CAPN7: variants seen among roughly 807,000 people sequenced by gnomAD.
CAPN7 encodes the protein calpain-7.
In CAPN7, 72 loss-of-function variants were observed where a neutral mutation model predicts 115.2. The observed-to-expected ratio is 0.63, with a 90% CI of 0.52 to 0.76. CAPN7 has a LOEUF of 0.76. Among genes scored for constraint, CAPN7 ranks in the 30% least tolerant of loss-of-function variants. The probability of loss-of-function intolerance (pLI) is 0.00; values close to 1 mark genes in which losing one functional copy is unlikely to be tolerated. For synonymous variants in CAPN7, 344 were observed against 322.3 expected (o/e 1.07, Z -0.72); for missense variants, 905 against 971.5 (o/e 0.93, Z 0.91).
chr3:15,206,465 C>T lies in CAPN7; in HGVS notation c.-31C>T, dbSNP rs1391752841. On this transcript the variant is annotated 5_prime_UTR_variant, in exon 1 of 21. Transcript: ENST00000253693. ...AAGAGCCGTCCTGCGTCAGGGCCTC[C>T]TTCCCTGCCCCGGCGCGGGGCCACT... is the stretch of plus-strand genomic sequence containing the variant. The T allele has an allele frequency of 1.3e-6, 2 of 1,512,566 alleles. No homozygotes were observed. Among genetic ancestry groups the T allele is most frequent in the East Asian group, 5.1e-5 (2 of 39,148 alleles). The allele number at this position is 1,512,566 out of a possible 1,614,324, so 93.7% of individuals were successfully genotyped here.
Position 15,206,451 on chromosome 3 carries a change from T to G in CAPN7, c.-45T>G. ...CGCCGCAGTCCGCGAAGAGCCGTCCTGCGTCAGGGCCTCCTTCCCTGCCCC... is the reference window on the plus strand; with the variant it reads ...CGCCGCAGTCCGCGAAGAGCCGTCCGGCGTCAGGGCCTCCTTCCCTGCCCC... On this transcript the variant is annotated 5_prime_UTR_variant, in exon 1 of 21. Coordinates refer to ENST00000253693, the MANE Select transcript of CAPN7 (RefSeq NM_014296.3). 7.0e-7 allele frequency: 1 copy of G among 1,431,018 alleles called. No individual in the cohort carries two copies. The highest frequency in any genetic ancestry group is 2.3e-4 in the Middle Eastern group (1 of 4,284). 88.6% of individuals were successfully genotyped at this position (1,431,018 alleles called of 1,614,324 possible). A position where few individuals can be genotyped will look rare whatever the true frequency, so the allele number is the denominator to read the frequency against.
chr3:15,246,651 T>C lies in CAPN7; in HGVS notation c.2011-81T>C, dbSNP rs368728531. The C allele has an allele frequency of 4.9e-6, 5 of 1,011,254 alleles. No individual in the cohort carries two copies. In the African/African-American group the frequency reaches 6.4e-5, roughly 13 times the overall value. 62.6% of individuals were successfully genotyped at this position (1,011,254 alleles called of 1,614,324 possible). On this transcript the variant is annotated intron_variant, in intron 17 of 20. Coordinates refer to ENST00000253693, the MANE Select transcript of CAPN7 (RefSeq NM_014296.3). Reference sequence around the variant, plus strand: ...ACTTGTGTATGCCAACTGATTTTTTTAGTCTTCCAATATATTCATGTATCA... The same window carrying C: ...ACTTGTGTATGCCAACTGATTTTTTCAGTCTTCCAATATATTCATGTATCA...
intron 2 of CAPN7, among the ~76,000 whole-genome samples, chr3:15,215,605 G>A (rs533649988): frequency 6.6e-6 from 1 of 152,326 alleles, no homozygotes; most frequent in Non-Finnish European, 1.5e-5. Context: ...CTTTTGCCAT[G>A]TGGCTTCTTT....
intron 4 of CAPN7, among the ~76,000 whole-genome samples, chr3:15,220,107 A>G (rs913857871): frequency 3.3e-5 from 5 of 152,188 alleles, no homozygotes; most frequent in Admixed American, 1.3e-4. Flanking sequence ...AGGCTGAGGC[A>G]GGAGAATCGC....
At chr3:15,228,360 AGTATGGTG>A (rs1694452864) in intron 7 of CAPN7, among the ~76,000 whole-genome samples, 1 of 152,258 alleles carries the variant, frequency 6.6e-6, no homozygotes, top group African/African-American at 2.4e-5. Context: ...GTGAGTCAGC[AGTATGGTG>A]TTTCTATTTG....
intron 2 of CAPN7, among the ~76,000 whole-genome samples, chr3:15,214,580 A>G (rs997014052): frequency 7.9e-5 from 12 of 152,104 alleles, no homozygotes; most frequent in Admixed American, 2.6e-4. Context: ...TTTGCTGGGC[A>G]TGGTGGTGTG....
At chr3:15,215,253 T>G (rs2045183430) in intron 2 of CAPN7, among the ~76,000 whole-genome samples, 1 of 152,096 alleles carries the variant, frequency 6.6e-6, no homozygotes, top group Admixed American at 6.6e-5. Context: ...GGCAACCTAG[T>G]GAGACCGTGT....
intron 1 of CAPN7, among the ~76,000 whole-genome samples, chr3:15,209,895 T>C (rs972981913): frequency 6.6e-6 from 1 of 152,216 alleles, no homozygotes. Context: ...AGTTTAGTAT[T>C]TAGTGTTTTC....
At chr3:15,213,304 ATAGT>A (rs1252820200) in intron 2 of CAPN7, among the ~76,000 whole-genome samples, 2 of 152,102 alleles carry the variant, frequency 1.3e-5, no homozygotes, top group African/African-American at 4.8e-5. Context: ...TTTTTCATAG[ATAGT>A]TTTCTTCATT....
chr3:15,210,596 CT>C (rs371169868), intron 1 of CAPN7, among the ~76,000 whole-genome samples: 7,627 of 104,334 alleles, frequency 0.073, 379 homozygotes, highest in East Asian at 0.38. Flanking sequence ...TGCTTCCTTC[CT>C]TTTTTTTTTT....
intron 5 of CAPN7, among the ~76,000 whole-genome samples, chr3:15,221,941 G>T (rs1694017869): frequency 6.6e-6 from 1 of 151,284 alleles, no homozygotes; most frequent in Non-Finnish European, 1.5e-5. Flanking sequence ...GCAACAGAGG[G>T]AGATCCCGTC....
chr3:15,245,593 GAC>G lies in CAPN7; in HGVS notation c.1933_1934del (p.Thr645HisfsTer15). ...SPHYLTKIKL[T>X]TPGTHTFTLV... Reference sequence around the variant, plus strand: ...CTCATTATTTGACTAAGATAAAGCTGACCACACCTGGCACCCATACCTTTACA... The same window carrying G: ...CTCATTATTTGACTAAGATAAAGCTGCACACCTGGCACCCATACCTTTACA... On this transcript the variant is annotated frameshift_variant, in exon 17 of 21. Coordinates refer to ENST00000253693, the MANE Select transcript of CAPN7 (RefSeq NM_014296.3). LOFTEE classifies it high-confidence loss of function. The G allele has an allele frequency of 6.2e-7, 1 of 1,613,820 alleles. No individual in the cohort carries two copies. Among genetic ancestry groups the G allele is most frequent in the Non-Finnish European group, 8.5e-7 (1 of 1,179,862 alleles).
Position 15,227,849 on chromosome 3 carries a change from G to A in CAPN7, c.736G>A (p.Gly246Ser). ...TTATTATTACCTCAGTGATAGATGG[G>A]GCAAGCTACCATTATCACCTAAACA... Reference protein sequence around the residue: ...AYPMPFCDRWGKLPLSPKQKT... With the variant: ...AYPMPFCDRWSKLPLSPKQKT... The change falls in exon 7 of 21, where the codon GGC becomes AGC. Residue 246 changes from glycine (G) to serine (S), a missense_variant. Coordinates refer to ENST00000253693, the MANE Select transcript of CAPN7 (RefSeq NM_014296.3). The A allele has an allele frequency of 1.3e-6, 2 of 1,518,224 alleles. No individual in the cohort carries two copies. Among genetic ancestry groups the A allele is most frequent in the South Asian group, 1.3e-5 (1 of 75,262 alleles). 94.0% of individuals were successfully genotyped at this position (1,518,224 alleles called of 1,614,324 possible). A position where few individuals can be genotyped will look rare whatever the true frequency, so the allele number is the denominator to read the frequency against.
In CAPN7 at chr3:15,227,782, G is replaced by T. The variant is rs867713702; in HGVS notation, c.726-57G>T. The T allele has an allele frequency of 4.3e-5, 48 of 1,116,716 alleles. No individual in the cohort carries two copies. The Middle Eastern group carries it at 8.8e-4, about 20-fold the overall frequency. The allele number at this position is 1,116,716 out of a possible 1,614,324, so 69.2% of individuals were successfully genotyped here. On this transcript the variant is annotated intron_variant, in intron 6 of 20. Coordinates refer to ENST00000253693, the MANE Select transcript of CAPN7 (RefSeq NM_014296.3). ...AAAATCTCTAGGAAATTTAATTTTGGCTTTGAGTCATCTTTTAAGATTAAT... is the reference window on the plus strand; with the variant it reads ...AAAATCTCTAGGAAATTTAATTTTGTCTTTGAGTCATCTTTTAAGATTAAT...
chr3:15,220,782 G>A lies in CAPN7; in HGVS notation c.439G>A (p.Ala147Thr), dbSNP rs149015016. ...KQLARQALDRAEALSEPLTKP... is the reference protein window; with the variant it reads ...KQLARQALDRTEALSEPLTKP... ...GTTGTTTGTTCCTCTCTGTTATAGA[G>A]CAGAAGCGCTGAGTGAGCCTTTGAC... Residue 147 changes from alanine to threonine, a missense_variant and splice_region_variant, in exon 5 of 21, where the codon GCA becomes ACA. Ala to Thr is a moderately conservative substitution (Grantham distance 58). Transcript: ENST00000253693. The A allele has an allele frequency of 1.9e-6, 3 of 1,614,106 alleles. No homozygotes were observed. Among genetic ancestry groups the A allele is most frequent in the Non-Finnish European group, 2.5e-6 (3 of 1,179,982 alleles).
At chr3:15,243,770 A>G (rs901495366) in intron 16 of CAPN7, among the ~76,000 whole-genome samples, 4 of 151,630 alleles carry the variant, frequency 2.6e-5, no homozygotes, top group Admixed American at 6.6e-5. Flanking sequence ...GAAACAACAC[A>G]TACTGAGGTC....
chr3:15,214,234 T>G (rs1477463625), intron 2 of CAPN7, among the ~76,000 whole-genome samples: 2 of 152,204 alleles, frequency 1.3e-5, no homozygotes, highest in Non-Finnish European at 2.9e-5. Context: ...TCTTTCTGCT[T>G]TTGTTGAAGA....
intron 6 of CAPN7, among the ~76,000 whole-genome samples, chr3:15,226,317 G>A (rs547618965): frequency 6.6e-6 from 1 of 151,892 alleles, no homozygotes; most frequent in Non-Finnish European, 1.5e-5. Flanking sequence ...CAAGTGATCC[G>A]CCCGCCTCAG....
rs1452642333 is a variant in CAPN7, at chr3:15,238,977, T to A, written c.1408-1496T>A. On this transcript the variant is annotated intron_variant, in intron 12 of 20. Coordinates refer to ENST00000253693, the MANE Select transcript of CAPN7 (RefSeq NM_014296.3). The stretch of plus-strand genomic sequence containing the variant: ...GAATATCACTGATGCTGGGGGTCTG[T>A]CTCTGAAAAGCTTAGCAACAATTTG... Among the ~76,000 whole-genome samples the A allele has an allele frequency of 2.0e-5, 3 of 151,704 alleles. No individual in the cohort carries two copies. The East Asian group carries it at 5.8e-4, about 29-fold the overall frequency.
Sources: allele counts gnomAD v4.1 joint callset (sites outside exome capture counted in the v4.1 genomes callset), GRCh38; gene constraint gnomAD v4.1.1; transcripts MANE v1.5; gene names NCBI Gene and HGNC (gene_info 2026-07-23, HGNC 2026-07-21).